BTBD7: variants seen among roughly 807,000 people sequenced by gnomAD.
BTBD7 encodes the protein BTB domain containing 7.
BTBD7 carries 38 observed loss-of-function variants against 99.9 expected under a neutral mutation model. The ratio of observed to expected loss-of-function variants is 0.38; its 90% CI spans 0.29 to 0.50. The LOEUF is 0.50. Ranked by LOEUF, BTBD7 falls within the 20% of genes least tolerant of loss-of-function variation. The pLI, the probability that BTBD7 is intolerant of heterozygous loss-of-function variation, is 0.93. For missense variants in BTBD7, 1,170 were observed against 1,394.6 expected, an observed-to-expected ratio of 0.84 and a Z score of 2.57; for synonymous variants, 520 against 511.4, an observed-to-expected ratio of 1.02 and a Z score of -0.23.
At chr14:93,263,665 G>T in intron 4 of BTBD7, 120 bp downstream of exon 4, 1 of 943,362 alleles carries the variant, frequency 1.1e-6, no homozygotes, top group Non-Finnish European at 1.6e-6. Flanking sequence ...GTCCTGGGTG[G>T]TTTGATCACA....
rs368275158 is a variant in BTBD7 at position 93,263,779 on chromosome 14, G to T, written c.1371+6C>A. The T allele has an allele frequency of 1.2e-6, 2 of 1,610,894 alleles. No homozygotes were observed. The highest frequency in any genetic ancestry group is 2.7e-5 in the African/African-American group (2 of 74,832). On this transcript the variant is annotated splice_donor_region_variant and intron_variant, in intron 4 of 10. Transcript: ENST00000334746. ...GACAGAGTTTGAGAGGTGTTTAAAT[G>T]ATTACCTGTAGGTAGTCAGACTGGA... is the stretch of plus-strand genomic sequence containing the variant.
intron 1 of BTBD7, among the ~76,000 whole-genome samples, chr14:93,300,777 TA>T (rs1253176088): frequency 5.0e-5 from 5 of 99,322 alleles, no homozygotes; most frequent in Non-Finnish European, 9.6e-5. Context: ...TGTGTGTATA[TA>T]TATATATATT....
chr14:93,295,042 C>A (rs1007249715), intron 2 of BTBD7, 105 bp from the exon 3 acceptor site: 10 of 1,121,682 alleles, frequency 8.9e-6, no homozygotes, highest in Non-Finnish European at 1.1e-5. Flanking sequence ...CATTACCGAA[C>A]CACTCAAAAT....
intron 3 of BTBD7, among the ~76,000 whole-genome samples, chr14:93,293,309 G>A (rs17128991): frequency 0.14 from 20,787 of 152,160 alleles, 1,982 homozygotes; most frequent in African/African-American, 0.27. Context: ...CGCTAACTGT[G>A]TTTTACACGC....
chr14:93,251,788 G>T, intron 7 of BTBD7, 136 bp from the exon 8 acceptor site: 1 of 777,190 alleles, frequency 1.3e-6, no homozygotes, highest in Non-Finnish European at 1.8e-6. Context: ...CATTAGTGGT[G>T]AAAGAAAGTT....
Position 93,264,961 on chromosome 14 carries a change from G to A in BTBD7, c.1163-968C>T, listed in dbSNP as rs551727803. On this transcript the variant is annotated intron_variant, in intron 3 of 10. Coordinates refer to ENST00000334746, the MANE Select transcript of BTBD7 (RefSeq NM_001002860.4). ...CTAAAAATACAAAAATTAGCTGGGC[G>A]TCCTGTAATCCCAGCTACTCGGGAG... 4.6e-5 allele frequency among the ~76,000 whole-genome samples: 7 copies of A among 152,112 alleles called. No individual in the cohort carries two copies. In the South Asian group the frequency reaches 1.0e-3, roughly 23 times the overall value.
chr14:93,306,886 A>G (rs930386791), intron 1 of BTBD7, among the ~76,000 whole-genome samples: 3 of 152,202 alleles, frequency 2.0e-5, no homozygotes, highest in Admixed American at 1.3e-4. Context: ...ATCATTTCTT[A>G]AAACTCAGAT....
In BTBD7 at chr14:93,294,507, A is replaced by C; in HGVS notation, c.513T>G (p.Leu171=). 2 of 1,614,118 alleles carry C rather than the reference A, an allele frequency of 1.2e-6. No individual in the cohort carries two copies. Among genetic ancestry groups the C allele is most frequent in the Non-Finnish European group, 1.7e-6 (2 of 1,180,010 alleles). The change falls in exon 3 of 11, where the codon CTT becomes CTG. Residue 171 remains leucine (L), a synonymous_variant. Coordinates refer to ENST00000334746, the MANE Select transcript of BTBD7 (RefSeq NM_001002860.4). ...CTGCCCCATACTCTGGTGAGGAAGAAAGCAGTGTTTTAAAAAATGGACACC... is the reference window on the plus strand; with the variant it reads ...CTGCCCCATACTCTGGTGAGGAAGACAGCAGTGTTTTAAAAAATGGACACC... ...AARCPFFKTL[L]SSSPEYGAEI...
intron 8 of BTBD7, among the ~76,000 whole-genome samples, chr14:93,249,266 C>CAAAAAAAAAAA (rs56893984): frequency 1.5e-4 from 4 of 25,942 alleles, no homozygotes; most frequent in Non-Finnish European, 2.4e-4. Context: ...ACCAGATAGG[C>CAAAAAAAAAAA]AAAAAAAAAA....
Position 93,294,421 on chromosome 14 carries a change from T to C in BTBD7, c.599A>G (p.His200Arg). ...TCCAAACTCTCCTGTATAAAGGTAG[T>C]GTAACAAAGCAGAAAACATGGGCAT... is the stretch of plus-strand genomic sequence containing the variant. ...IDMPMFSALL[H>R]YLYTGEFGME... is the part of the protein sequence containing the mutation. Residue 200 changes from histidine to arginine, a missense_variant, in exon 3 of 11, where the codon CAC becomes CGC. His to Arg is a conservative substitution (Grantham distance 29). Transcript: ENST00000334746. The C allele has an allele frequency of 6.2e-7, 1 of 1,614,172 alleles. No homozygotes were observed. The highest frequency in any genetic ancestry group is 2.2e-5 in the East Asian group (1 of 44,876).
chr14:93,286,901 C>T lies in BTBD7; in HGVS notation c.1162+6957G>A, dbSNP rs140240532. On this transcript the variant is annotated intron_variant, in intron 3 of 10. Coordinates refer to ENST00000334746, the MANE Select transcript of BTBD7 (RefSeq NM_001002860.4). ...TAGGATTGTGGCCTTCTCTTGGTCT[C>T]TCTGGTTCTTATGGGCACTGATGTC... is the stretch of plus-strand genomic sequence containing the variant. Among the ~76,000 whole-genome samples the T allele has an allele frequency of 4.7e-4, 72 of 152,192 alleles. 1 individual carries two copies. Among genetic ancestry groups the T allele is most frequent in the African/African-American group, 1.7e-3 (72 of 41,516 alleles).
In BTBD7 at chr14:93,288,376, C is replaced by G. The variant is rs2052806167; in HGVS notation, c.1162+5482G>C. ...ACTTTCTAGATTTCCTCAACTGTACCTTTCAATGCTTCCATTATATCTTTC... is the reference window on the plus strand; with the variant it reads ...ACTTTCTAGATTTCCTCAACTGTACGTTTCAATGCTTCCATTATATCTTTC... On this transcript the variant is annotated intron_variant, in intron 3 of 10. Transcript: ENST00000334746. 1.6e-5 allele frequency: 10 copies of G among 623,470 alleles called. No individual in the cohort carries two copies. The East Asian group carries it at 2.7e-4, about 17-fold the overall frequency. 38.6% of individuals were successfully genotyped at this position (623,470 alleles called of 1,614,324 possible). A position where few individuals can be genotyped will look rare whatever the true frequency, so the allele number is the denominator to read the frequency against.
intron 1 of BTBD7, among the ~76,000 whole-genome samples, chr14:93,302,854 A>C (rs1477633472): frequency 6.6e-6 from 1 of 151,840 alleles, no homozygotes; most frequent in East Asian, 1.9e-4. Context: ...AAAACAAAAC[A>C]AAAAACCACT....
At chr14:93,299,736 A>G (rs912900875) in intron 1 of BTBD7, among the ~76,000 whole-genome samples, 2 of 152,198 alleles carry the variant, frequency 1.3e-5, no homozygotes, top group Non-Finnish European at 2.9e-5. Context: ...AAAAAAGAGA[A>G]GTCAACTTTC....
chr14:93,296,006 C>T lies in BTBD7; in HGVS notation c.46G>A (p.Val16Ile). The T allele has an allele frequency of 6.2e-7, 1 of 1,614,036 alleles. No homozygotes were observed. Among genetic ancestry groups the T allele is most frequent in the South Asian group, 1.1e-5 (1 of 91,070 alleles). The change falls in exon 2 of 11, where the codon GTA (valine) becomes ATA (isoleucine). Residue 16 changes from valine (V) to isoleucine (I), a missense_variant. Physicochemically the swap from Val to Ile is conservative, Grantham distance 29. Coordinates refer to ENST00000334746, the MANE Select transcript of BTBD7 (RefSeq NM_001002860.4). ...SNYPHSCSPR[V>I]GGNSQAQQTF... ...TGTTGGGCCTGTGAATTTCCCCCTACCCTCGGGGAACATGAATGAGGATAA... is the reference window on the plus strand; with the variant it reads ...TGTTGGGCCTGTGAATTTCCCCCTATCCTCGGGGAACATGAATGAGGATAA...
At chr14:93,308,376 C>T (rs779953553) in intron 1 of BTBD7, among the ~76,000 whole-genome samples, 11 of 151,692 alleles carry the variant, frequency 7.3e-5, no homozygotes, top group Non-Finnish European at 1.0e-4. Context: ...TGGATCACAG[C>T]GTACATATAC....
chr14:93,260,839 C>T (rs914009359), intron 5 of BTBD7, among the ~76,000 whole-genome samples: 1 of 152,086 alleles, frequency 6.6e-6, no homozygotes, highest in African/African-American at 2.4e-5. Flanking sequence ...AGGCGTGAGC[C>T]ACTGCACCCA....
At chr14:93,299,468 A>AAGGAGAGGGGAG (rs2052967037) in intron 1 of BTBD7, among the ~76,000 whole-genome samples, 1 of 152,172 alleles carries the variant, frequency 6.6e-6, no homozygotes, top group Non-Finnish European at 1.5e-5. Context: ...AGAGAGGAGC[A>AAGGAGAGGGGAG]AGGAGAGGGG....
intron 1 of BTBD7, among the ~76,000 whole-genome samples, chr14:93,327,177 T>C (rs964890732): frequency 6.6e-5 from 10 of 152,214 alleles, no homozygotes; most frequent in Admixed American, 2.0e-4. Context: ...TAAAAACTGG[T>C]AAAATAAAAA....
Sources: gnomAD v4.1 joint callset for allele counts (sites outside exome capture counted in the v4.1 genomes callset) on GRCh38, gnomAD v4.1.1 for gene constraint, MANE v1.5 for transcripts, NCBI Gene and HGNC (gene_info 2026-07-23, HGNC 2026-07-21) for gene names.